The following ZNF184 variants were observed in gnomAD, a reference collection of about 807,000 sequenced individuals.
The protein encoded by ZNF184 is zinc finger protein 184 (Kruppel-like).
A neutral mutation model predicts 54.4 loss-of-function variants in ZNF184; 16 were observed. The observed-to-expected ratio is 0.29, with a 90% confidence interval of 0.20 to 0.45. The LOEUF (loss-of-function observed/expected upper bound fraction) is 0.45, where lower values mean the gene tolerates loss of function less well. ZNF184 is among the 20% of genes least tolerant of loss of function. ZNF184 has a pLI of 1.00. For synonymous variants in ZNF184, 254 were observed against 295.3 expected, an observed-to-expected ratio of 0.86 and a Z score of 1.43; for missense variants, 681 against 888.2, an observed-to-expected ratio of 0.77 and a Z score of 2.97.
At chr6:27,456,421 T>C (rs1310566944) in intron 5 of ZNF184, among the ~76,000 whole-genome samples, 6 of 152,196 alleles carry the variant, frequency 3.9e-5, no homozygotes, top group Admixed American at 3.3e-4. Flanking sequence ...GGAGTAAATC[T>C]ATTTGGAAAT....
At chr6:27,466,497 CA>C (rs558187308) in intron 3 of ZNF184, among the ~76,000 whole-genome samples, 133 of 151,884 alleles carry the variant, frequency 8.8e-4, no homozygotes, top group African/African-American at 3.1e-3. Flanking sequence ...ACATTCTGGA[CA>C]AAAAAACAAG....
chr6:27,445,566 C>T, the ZNF184 span, among the ~76,000 whole-genome samples: 13,102 of 152,172 alleles, frequency 0.086, 703 homozygotes, highest in African/African-American at 0.14. Context: ...CTTGCCCTCC[C>T]TTGCCACATG....
chr6:27,416,414 G>A, the ZNF184 span, among the ~76,000 whole-genome samples: 1 of 152,162 alleles, frequency 6.6e-6, no homozygotes, highest in Non-Finnish European at 1.5e-5. Flanking sequence ...CATCTAGCAT[G>A]GATATCTGTT....
At chr6:27,457,228 A>C in intron 4 of ZNF184, 55 bp downstream of exon 4, 1 of 1,589,182 alleles carries the variant, frequency 6.3e-7, no homozygotes, top group Non-Finnish European at 8.6e-7. Flanking sequence ...TGAGCACAAG[A>C]GAGAACCCTC....
chr6:27,439,649 A>G, the ZNF184 span, among the ~76,000 whole-genome samples: 1 of 152,254 alleles, frequency 6.6e-6, no homozygotes, highest in African/African-American at 2.4e-5. Flanking sequence ...AGCACAATAC[A>G]GTAAGATATT....
At chr6:27,407,618 A>T in the ZNF184 span, 784 of 571,216 alleles carry the variant, frequency 1.4e-3, no homozygotes, top group African/African-American at 5.2e-3. Flanking sequence ...AACAGGTTAT[A>T]TAACAAGTGG....
chr6:27,405,978 T>G, the ZNF184 span: 1 of 152,230 alleles, frequency 6.6e-6, no homozygotes, highest in Non-Finnish European at 1.5e-5. Flanking sequence ...TCAGAAGGGC[T>G]GTTTCAGCCT....
the ZNF184 span, among the ~76,000 whole-genome samples, chr6:27,409,965 T>C: frequency 6.6e-6 from 1 of 152,182 alleles, no homozygotes; most frequent in South Asian, 2.1e-4. Context: ...TTTTCTATGT[T>C]TAGATATATT....
chr6:27,460,919 G>A (rs79278493), intron 3 of ZNF184, among the ~76,000 whole-genome samples: 10,897 of 152,196 alleles, frequency 0.072, 475 homozygotes, highest in Middle Eastern at 0.17. Flanking sequence ...TCTGATCCTT[G>A]AACAAGTTCT....
rs1047483496 is a variant in ZNF184 at position 27,457,353 on chromosome 6, C to T, written c.132G>A (p.Gln44=). Reference sequence around the variant, plus strand: ...ACAAATCTCTCTGGCCAGGGTCCAGCTGTTTCCATTCTTCCTGGGTAAAGT... The same window carrying T: ...ACAAATCTCTCTGGCCAGGGTCCAGTTGTTTCCATTCTTCCTGGGTAAAGT... ...IVDFTQEEWK[Q]LDPGQRDLFR... The change falls in exon 4 of 6, where the codon CAG becomes CAA. Residue 44 remains glutamine (Q), a synonymous_variant. Transcript: ENST00000683788. 1 of 1,613,934 alleles carries T rather than the reference C, an allele frequency of 6.2e-7. No homozygotes were observed. Among genetic ancestry groups the T allele is most frequent in the Non-Finnish European group, 8.5e-7 (1 of 1,179,996 alleles).
At chr6:27,420,730 C>T in the ZNF184 span, among the ~76,000 whole-genome samples, 1 of 152,198 alleles carries the variant, frequency 6.6e-6, no homozygotes, top group Non-Finnish European at 1.5e-5. Flanking sequence ...CTGTGGAAGA[C>T]AGGTCAGTGG....
At chr6:27,437,588 T>C in the ZNF184 span, among the ~76,000 whole-genome samples, 175 of 152,360 alleles carry the variant, frequency 1.1e-3, 6 homozygotes, top group South Asian at 0.032. Context: ...ACTTCTGACC[T>C]ACAGAACTGT....
intron 3 of ZNF184, among the ~76,000 whole-genome samples, chr6:27,458,948 C>G (rs564246143): frequency 2.0e-5 from 3 of 152,266 alleles, no homozygotes; most frequent in Non-Finnish European, 4.4e-5. Flanking sequence ...GATGTACCTG[C>G]AGGACATTAT....
chr6:27,420,277 C>T, the ZNF184 span, among the ~76,000 whole-genome samples: 7 of 152,230 alleles, frequency 4.6e-5, no homozygotes, highest in African/African-American at 1.7e-4. Context: ...CCTTTTGTTT[C>T]TCAGGCATTT....
At chr6:27,464,990 C>T (rs1763088314) in intron 3 of ZNF184, among the ~76,000 whole-genome samples, 2 of 114,162 alleles carry the variant, frequency 1.8e-5, no homozygotes, top group Admixed American at 2.4e-4. Flanking sequence ...GCACTCCAGG[C>T]TGGGCGACAG....
At chr6:27,441,652 A>G in the ZNF184 span, among the ~76,000 whole-genome samples, 2 of 152,226 alleles carry the variant, frequency 1.3e-5, no homozygotes, top group African/African-American at 4.8e-5. Flanking sequence ...TTATTTTAAA[A>G]ATGAGATAAA....
intron 2 of ZNF184, among the ~76,000 whole-genome samples, chr6:27,470,279 A>G (rs934832647): frequency 1.3e-5 from 2 of 152,206 alleles, no homozygotes; most frequent in Non-Finnish European, 2.9e-5. Flanking sequence ...AAAGAAAGAA[A>G]AAAAAAAACA....
the ZNF184 span, among the ~76,000 whole-genome samples, chr6:27,445,735 C>T: frequency 1.0e-4 from 6 of 57,754 alleles, no homozygotes; most frequent in South Asian, 3.1e-3. Context: ...AAAAAAAAGA[C>T]TAAAACAGAA....
At chr6:27,438,612 A>G in the ZNF184 span, among the ~76,000 whole-genome samples, 1 of 152,192 alleles carries the variant, frequency 6.6e-6, no homozygotes, top group Non-Finnish European at 1.5e-5. Flanking sequence ...TACTGCTTTC[A>G]GTAATTTTAT....
Sources: allele counts gnomAD v4.1 joint callset (sites outside exome capture counted in the v4.1 genomes callset), GRCh38; gene constraint gnomAD v4.1.1; transcripts MANE v1.5; gene names NCBI Gene and HGNC (gene_info 2026-07-23, HGNC 2026-07-21).